Variants in KCNJ3 observed in about 807,000 individuals in gnomAD.
KCNJ3 encodes the protein potassium inwardly rectifying channel subfamily J member 3, also known as G protein-activated inward rectifier potassium channel 1.
In KCNJ3, 4 loss-of-function variants were observed where a neutral mutation model predicts 39.2. The ratio of observed to expected loss-of-function variants is 0.10; its 90% CI spans 0.05 to 0.23. The LOEUF (loss-of-function observed/expected upper bound fraction) is 0.23. Among genes scored for constraint, KCNJ3 ranks in the 10% least tolerant of loss-of-function variants. The pLI is 1.00. For synonymous variants in KCNJ3, 230 were observed against 237.4 expected (o/e 0.97, Z 0.29); for missense variants, 276 against 634.9 (o/e 0.43, Z 6.08).
intron 2 of KCNJ3, among the ~76,000 whole-genome samples, chr2:154,789,385 A>G (rs530764707): frequency 1.3e-5 from 2 of 152,184 alleles, no homozygotes; most frequent in Admixed American, 1.3e-4. Flanking sequence ...AATTTGCTTT[A>G]TGCAAGACTT....
intron 2 of KCNJ3, among the ~76,000 whole-genome samples, chr2:154,717,379 A>G (rs565370243): frequency 6.6e-6 from 1 of 152,196 alleles, no homozygotes; most frequent in African/African-American, 2.4e-5. Flanking sequence ...GGTGTGATAG[A>G]AAGATGCCTC....
intron 2 of KCNJ3, among the ~76,000 whole-genome samples, chr2:154,803,646 T>C (rs966658824): frequency 6.6e-6 from 1 of 151,970 alleles, no homozygotes; most frequent in African/African-American, 2.4e-5. Context: ...AAATTCTGAG[T>C]TCTAATTTAC....
intron 2 of KCNJ3, among the ~76,000 whole-genome samples, chr2:154,777,925 T>G (rs1471576896): frequency 2.0e-5 from 3 of 152,186 alleles, no homozygotes; most frequent in Non-Finnish European, 4.4e-5. Flanking sequence ...GGAGCTTTCA[T>G]AGCAAAAATC....
intron 2 of KCNJ3, among the ~76,000 whole-genome samples, chr2:154,747,164 A>G (rs1346208569): frequency 6.6e-6 from 1 of 151,966 alleles, no homozygotes; most frequent in Admixed American, 6.6e-5. Flanking sequence ...TATAGATAAT[A>G]GTTTATAATT....
intron 2 of KCNJ3, among the ~76,000 whole-genome samples, chr2:154,820,252 G>A (rs974611382): frequency 1.3e-5 from 2 of 152,022 alleles, no homozygotes; most frequent in Non-Finnish European, 1.5e-5. Context: ...CAACGTTATC[G>A]AGTTATTGAA....
At chr2:154,798,624 AC>A (rs1241724434) in intron 2 of KCNJ3, among the ~76,000 whole-genome samples, 1 of 152,154 alleles carries the variant, frequency 6.6e-6, no homozygotes, top group Non-Finnish European at 1.5e-5. Context: ...GAATATTGAA[AC>A]CTGAGCATTA....
In KCNJ3 at chr2:154,855,123, G is replaced by C; in HGVS notation, c.1316G>C (p.Arg439Pro). 1 of 1,613,952 alleles carries C rather than the reference G, an allele frequency of 6.2e-7. No homozygotes were observed. Among genetic ancestry groups the C allele is most frequent in the South Asian group, 1.1e-5 (1 of 91,076 alleles). ...GGAGACTTGCCCATGAAACTTCAAC[G>C]AATAAGTTCAGTTCCGGGCAACTCA... ...SLGDLPMKLQ[R>P]ISSVPGNSEE... is the part of the protein sequence containing the mutation. Residue 439 changes from arginine to proline, a missense_variant, in exon 3 of 3, where the codon CGA becomes CCA. Physicochemically the swap from Arg to Pro is moderately radical, Grantham distance 103. Around this residue, in one of 4 missense-constraint regions of KCNJ3, gnomAD observed 126 missense variants for 179.8 expected, o/e 0.70. Coordinates refer to ENST00000295101, the MANE Select transcript of KCNJ3 (RefSeq NM_002239.4).
rs1684851056 is a variant in KCNJ3 at position 154,699,607 on chromosome 2, G to A, written c.702+130G>A. 2.2e-6 allele frequency: 3 copies of A among 1,362,004 alleles called. No homozygotes were observed. Among genetic ancestry groups the A allele is most frequent in the Non-Finnish European group, 9.7e-7 (1 of 1,028,750 alleles). The allele number at this position is 1,362,004 out of a possible 1,614,324, so 84.4% of individuals were successfully genotyped here. ...TAGCCACAGGTAAACTTCCTTTTGG[G>A]GGGTTGGGGGTTGGAGGACTGGGCA... On this transcript the variant is annotated intron_variant, in intron 1 of 2. Transcript: ENST00000295101. This position sits in a 1 kb window ranked among gnomAD's most constrained non-coding sequence, Gnocchi z 6.4.
chr2:154,835,480 A>ATCAAAAT (rs1687442367), intron 2 of KCNJ3, among the ~76,000 whole-genome samples: 2 of 109,264 alleles, frequency 1.8e-5, no homozygotes, highest in East Asian at 4.2e-4. Context: ...ATGAATATAT[A>ATCAAAAT]ATATTCATGA....
At chr2:154,841,368 A>G (rs991258281) in intron 2 of KCNJ3, among the ~76,000 whole-genome samples, 1 of 152,174 alleles carries the variant, frequency 6.6e-6, no homozygotes, top group South Asian at 2.1e-4. Flanking sequence ...ATCAATGTTC[A>G]TCAGGGATAT....
chr2:154,849,621 T>G (rs949146196), intron 2 of KCNJ3, among the ~76,000 whole-genome samples: 2 of 152,210 alleles, frequency 1.3e-5, no homozygotes, highest in African/African-American at 4.8e-5. Context: ...TGGCCTGTGG[T>G]TATATTGTTT....
chr2:154,796,710 TTA>T (rs1399675773), intron 2 of KCNJ3, among the ~76,000 whole-genome samples: 5 of 152,146 alleles, frequency 3.3e-5, no homozygotes, highest in Non-Finnish European at 7.4e-5. Flanking sequence ...TTGACAACAT[TTA>T]AAGTAGACTA....
intron 2 of KCNJ3, among the ~76,000 whole-genome samples, chr2:154,844,297 T>C (rs923961264): frequency 1.3e-5 from 2 of 151,970 alleles, no homozygotes. Flanking sequence ...GCAAATATTG[T>C]TGCCTGATCC....
intron 2 of KCNJ3, among the ~76,000 whole-genome samples, chr2:154,775,981 A>G (rs2105199483): frequency 6.6e-6 from 1 of 151,530 alleles, no homozygotes; most frequent in East Asian, 1.9e-4. Flanking sequence ...CCTTTTTTAA[A>G]AAAGGAACTC....
intron 2 of KCNJ3, among the ~76,000 whole-genome samples, chr2:154,717,234 T>A: frequency 6.6e-6 from 1 of 152,128 alleles, no homozygotes; most frequent in East Asian, 1.9e-4. Flanking sequence ...TTTGGTATGA[T>A]GAGAGTGTAG....
chr2:154,851,042 G>T (rs1054936104), intron 2 of KCNJ3, among the ~76,000 whole-genome samples: 1 of 152,018 alleles, frequency 6.6e-6, no homozygotes, highest in Non-Finnish European at 1.5e-5. Context: ...TTGAGGCTAG[G>T]AATTTGAGAG....
intron 2 of KCNJ3, among the ~76,000 whole-genome samples, chr2:154,793,343 G>T (rs1686669837): frequency 6.6e-6 from 1 of 151,894 alleles, no homozygotes; most frequent in Non-Finnish European, 1.5e-5. Flanking sequence ...AAAGGTTACT[G>T]CATAAACCCT....
chr2:154,733,271 T>A (rs1008345756), intron 2 of KCNJ3, among the ~76,000 whole-genome samples: 5 of 152,204 alleles, frequency 3.3e-5, no homozygotes, highest in Admixed American at 1.3e-4. Context: ...TCTATATTAA[T>A]TTTAAATTTA....
rs548553165 is a variant in KCNJ3 at position 154,845,041 on chromosome 2, T to G, written c.920-9686T>G. On this transcript the variant is annotated intron_variant, in intron 2 of 2. Coordinates refer to ENST00000295101, the MANE Select transcript of KCNJ3 (RefSeq NM_002239.4). ...CACCTGTCTTCTGCGTTGATCACATTGGGAGCTGTAGACCAGAGCTGTTCC... is the reference window on the plus strand; with the variant it reads ...CACCTGTCTTCTGCGTTGATCACATGGGGAGCTGTAGACCAGAGCTGTTCC... 6.6e-5 allele frequency among the ~76,000 whole-genome samples: 10 copies of G among 152,312 alleles called. No homozygotes were observed. The South Asian group carries it at 1.9e-3, about 28-fold the overall frequency.
Sources: gnomAD v4.1 joint callset for allele counts (sites outside exome capture counted in the v4.1 genomes callset) on GRCh38, gnomAD v4.1.1 for gene constraint, gnomAD v4.1.1 regional missense constraint, Gnocchi (gnomAD v3.1) non-coding constraint, MANE v1.5 for transcripts, NCBI Gene and HGNC (gene_info 2026-07-23, HGNC 2026-07-21) for gene names.